The following DMXL1 variants were observed in gnomAD, a reference collection of about 807,000 sequenced individuals.
DMXL1 encodes the protein dmX-like protein 1.
Under a neutral mutation model 319.2 loss-of-function variants are expected in DMXL1, and 99 were observed. The ratio of observed to expected loss-of-function variants is 0.31; its 90% CI spans 0.26 to 0.37. DMXL1 has a LOEUF of 0.37. Among genes scored for constraint, DMXL1 ranks in the 10% least tolerant of loss-of-function variants. The probability of loss-of-function intolerance (pLI) is 1.00; values close to 1 mark genes in which losing one functional copy is unlikely to be tolerated. For synonymous variants in DMXL1, 1,385 were observed against 1,235.2 expected (o/e 1.12, Z -2.54); for missense variants, 3,745 against 3,595.6 (o/e 1.04, Z -1.06).
At chr5:119,173,295 G>T (rs567800187) in intron 25 of DMXL1, among the ~76,000 whole-genome samples, 1 of 148,092 alleles carries the variant, frequency 6.8e-6, no homozygotes, top group Admixed American at 6.8e-5. Context: ...AGCCAAGATC[G>T]CACCATTACA....
chr5:119,220,349 G>C, intron 35 of DMXL1, 123 bp from the exon 36 acceptor site: 1 of 763,914 alleles, frequency 1.3e-6, no homozygotes, highest in South Asian at 2.0e-5. Flanking sequence ...TAAGAATGCT[G>C]TATATCCTGT....
intron 39 of DMXL1, among the ~76,000 whole-genome samples, chr5:119,233,980 G>T (rs1241014387): frequency 6.6e-6 from 1 of 152,054 alleles, no homozygotes; most frequent in Non-Finnish European, 1.5e-5. Flanking sequence ...AGTTTTGTTG[G>T]ACCACAGTTA....
At chr5:119,109,687 C>G (rs185161800) in intron 4 of DMXL1, among the ~76,000 whole-genome samples, 2 of 152,314 alleles carry the variant, frequency 1.3e-5, no homozygotes, top group East Asian at 1.9e-4. Context: ...TCTGCTTATT[C>G]ATCCATTAAG....
chr5:119,165,129 T>A, intron 20 of DMXL1, 54 bp from the exon 21 acceptor site: 1 of 1,091,832 alleles, frequency 9.2e-7, no homozygotes, highest in East Asian at 2.4e-5. Flanking sequence ...ATGAAAGAAA[T>A]TACTTGTTCA....
At chr5:119,158,090 C>T (rs1340293540) in intron 19 of DMXL1, among the ~76,000 whole-genome samples, 2 of 151,626 alleles carry the variant, frequency 1.3e-5, no homozygotes, top group Non-Finnish European at 2.9e-5. Context: ...TGGGGTCTTG[C>T]TGTGTTGCCC....
chr5:119,132,696 C>T, intron 10 of DMXL1: 1 of 434,166 alleles, frequency 2.3e-6, no homozygotes, highest in Non-Finnish European at 4.5e-6. Context: ...AAAAATGGAG[C>T]AAGTCCCTTT....
chr5:119,219,593 A>T (rs1208928902), intron 35 of DMXL1, among the ~76,000 whole-genome samples: 1 of 151,940 alleles, frequency 6.6e-6, no homozygotes, highest in Non-Finnish European at 1.5e-5. Flanking sequence ...TTATTTATTG[A>T]GACAGGGTAT....
intron 38 of DMXL1, among the ~76,000 whole-genome samples, chr5:119,230,317 A>T (rs557426273): frequency 6.6e-6 from 1 of 152,318 alleles, no homozygotes; most frequent in African/African-American, 2.4e-5. Flanking sequence ...AGATTATCCC[A>T]CATCAGATGA....
chr5:119,218,112 C>A (rs1201967350), intron 35 of DMXL1, among the ~76,000 whole-genome samples: 4 of 152,036 alleles, frequency 2.6e-5, no homozygotes, highest in African/African-American at 7.2e-5. Flanking sequence ...TGTGGTTGCT[C>A]ACACCTGTCA....
In DMXL1 at chr5:119,206,899, A is replaced by G; in HGVS notation, c.7926+3A>G. On this transcript the variant is annotated splice_donor_region_variant and intron_variant, in intron 34 of 43. Transcript: ENST00000539542. The stretch of plus-strand genomic sequence containing the variant: ...TGGAGGAGCCAAACATCAATAAGGT[A>G]CAAAATATCATTCAACTGAAATTAA... 6.0e-6 allele frequency: 9 copies of G among 1,503,016 alleles called. No individual in the cohort carries two copies. The highest frequency in any genetic ancestry group is 8.0e-6 in the Non-Finnish European group (9 of 1,120,408). 93.1% of individuals were successfully genotyped at this position (1,503,016 alleles called of 1,614,324 possible). A position where few individuals can be genotyped will look rare whatever the true frequency, so the allele number is the denominator to read the frequency against.
At chr5:119,241,542 A>G (rs918098904) in intron 42 of DMXL1, among the ~76,000 whole-genome samples, 46 of 152,046 alleles carry the variant, frequency 3.0e-4, no homozygotes, top group African/African-American at 1.1e-3. Flanking sequence ...CTCAAAAAAA[A>G]AAAAAAAAAA....
chr5:119,135,277 G>A (rs1025698259), intron 13 of DMXL1, among the ~76,000 whole-genome samples: 1 of 152,040 alleles, frequency 6.6e-6, no homozygotes, highest in Non-Finnish European at 1.5e-5. Flanking sequence ...TTCGGGTGAA[G>A]GGAGATAGGA....
intron 25 of DMXL1, among the ~76,000 whole-genome samples, chr5:119,173,718 GTATATATATATA>G (rs1232840255): frequency 7.9e-6 from 1 of 126,134 alleles, no homozygotes; most frequent in African/African-American, 2.9e-5. Context: ...ATGTGTGTGT[GTATATATATATA>G]TGTGTGTATA....
chr5:119,244,322 G>A (rs1181562092), intron 42 of DMXL1, 37 bp from the exon 43 acceptor site: 7 of 1,517,616 alleles, frequency 4.6e-6, no homozygotes, highest in South Asian at 2.4e-5. Flanking sequence ...TTCTTTTATT[G>A]TTAAGTGTTT....
chr5:119,173,776 G>GTGTATATATATATATATATATATATA lies in DMXL1; in HGVS notation c.6682-1484_6682-1483insGTATATATATATATATATATATATAT. 5.5e-3 allele frequency among the ~76,000 whole-genome samples: 369 copies of GTGTATATATATATATATATATATATA among 67,100 alleles called. 24 individuals carry two copies. The highest frequency in any genetic ancestry group is 0.028 in the Middle Eastern group (4 of 142). 44.0% of individuals were successfully genotyped at this position (67,100 alleles called of 152,430 possible). On this transcript the variant is annotated intron_variant, in intron 25 of 43. Transcript: ENST00000539542. ...TGTGTATATATATATATGTGTGTGT[G>GTGTATATATATATATATATATATATA]TATATATATATATATATATATAATG...
chr5:119,189,228 G>A (rs1181018213), intron 28 of DMXL1, among the ~76,000 whole-genome samples: 3 of 152,144 alleles, frequency 2.0e-5, no homozygotes, highest in Non-Finnish European at 2.9e-5. Context: ...ATCAGTTTAA[G>A]TAGTTATGGT....
intron 26 of DMXL1, 56 bp downstream of exon 26, chr5:119,175,393 AT>A (rs1423622260): frequency 1.3e-5 from 17 of 1,276,750 alleles, no homozygotes; most frequent in Non-Finnish European, 1.8e-5. Context: ...GAGGTTTCAT[AT>A]TTTGTATGTT....
At chr5:119,127,307 G>A in intron 9 of DMXL1, 1 of 212,376 alleles carries the variant, frequency 4.7e-6, no homozygotes, top group South Asian at 9.4e-5. Context: ...TTCAATGGTA[G>A]TATTATTGGC....
intron 38 of DMXL1, among the ~76,000 whole-genome samples, chr5:119,230,741 G>A (rs1052295280): frequency 4.6e-5 from 7 of 152,128 alleles, no homozygotes; most frequent in African/African-American, 1.7e-4. Context: ...AATTAGCTGG[G>A]CGTGGTGGCA....
Sources: gnomAD v4.1 joint callset for allele counts (sites outside exome capture counted in the v4.1 genomes callset) on GRCh38, gnomAD v4.1.1 for gene constraint, MANE v1.5 for transcripts, NCBI Gene and HGNC (gene_info 2026-07-23, HGNC 2026-07-21) for gene names.